Variants in FSIP2 observed in about 807,000 individuals in gnomAD.
FSIP2 encodes fibrous sheath-interacting protein 2.
Under a neutral mutation model 510.5 loss-of-function variants are expected in FSIP2, and 367 were observed. The ratio of observed to expected loss-of-function variants is 0.72; its 90% CI spans 0.66 to 0.78. The LOEUF is 0.78. Ranked by LOEUF, FSIP2 falls within the 30% of genes least tolerant of loss-of-function variation. FSIP2 has a pLI of 0.00. For missense variants in FSIP2, 7,594 were observed against 7,901.7 expected (o/e 0.96, Z 1.48); for synonymous variants, 2,601 against 2,732.2 (o/e 0.95, Z 1.50).
intron 13 of FSIP2, among the ~76,000 whole-genome samples, chr2:185,776,467 C>G (rs66891411): frequency 6.6e-6 from 1 of 151,712 alleles, no homozygotes; most frequent in African/African-American, 2.4e-5. Context: ...TATATTTCTT[C>G]TATTTCTAAT....
Position 185,746,091 on chromosome 2 carries a change from T to G in FSIP2, c.617+523T>G, listed in dbSNP as rs548728066. 3.3e-5 allele frequency among the ~76,000 whole-genome samples: 5 copies of G among 152,176 alleles called. No homozygotes were observed. The South Asian group carries it at 8.3e-4, about 25-fold the overall frequency. On this transcript the variant is annotated intron_variant, in intron 5 of 22. Coordinates refer to ENST00000424728, the MANE Select transcript of FSIP2 (RefSeq NM_173651.4). Reference sequence around the variant, plus strand: ...GATGTTATAGTTCTTTTTCCTTCACTAGGGATGCAGTAAGGAATTGGGCTG... The same window carrying G: ...GATGTTATAGTTCTTTTTCCTTCACGAGGGATGCAGTAAGGAATTGGGCTG...
intron 7 of FSIP2, among the ~76,000 whole-genome samples, chr2:185,752,278 T>C (rs976301806): frequency 2.0e-5 from 3 of 151,164 alleles, no homozygotes; most frequent in African/African-American, 7.3e-5. Context: ...TCTACATTGA[T>C]TCCAAGAAGA....
At chr2:185,798,700 A>C (rs1693356168) in intron 16 of FSIP2, among the ~76,000 whole-genome samples, 1 of 151,852 alleles carries the variant, frequency 6.6e-6, no homozygotes, top group Non-Finnish European at 1.5e-5. Context: ...AAACTCTTAA[A>C]TAGACTTACT....
In FSIP2 at chr2:185,804,446, A is replaced by G; in HGVS notation, c.15140A>G (p.Gln5047Arg). Residue 5047 changes from glutamine to arginine, a missense_variant, in exon 17 of 23, where the codon CAA (glutamine) becomes CGA (arginine). By Grantham distance (43) the Gln-to-Arg change is conservative. Coordinates refer to ENST00000424728, the MANE Select transcript of FSIP2 (RefSeq NM_173651.4). ...KSLIQIHRVIQSDTICFGRKI... is the reference protein window; with the variant it reads ...KSLIQIHRVIRSDTICFGRKI... The stretch of plus-strand genomic sequence containing the variant: ...CTGATTCAAATACATAGGGTTATAC[A>G]AAGTGACACAATATGTTTTGGTAGG... 1 of 1,516,698 alleles carries G rather than the reference A, an allele frequency of 6.6e-7. No individual in the cohort carries two copies. The highest frequency in any genetic ancestry group is 8.8e-7 in the Non-Finnish European group (1 of 1,134,510). The allele number at this position is 1,516,698 out of a possible 1,614,324, so 94.0% of individuals were successfully genotyped here.
intron 1 of FSIP2, 144 bp downstream of exon 1, chr2:185,739,137 T>G: frequency 8.2e-7 from 1 of 1,223,958 alleles, no homozygotes; most frequent in Non-Finnish European, 1.1e-6. Context: ...CCGGGGGCGG[T>G]GGCGGTGGCT....
In FSIP2 at chr2:185,795,652, A is replaced by C; in HGVS notation, c.8516A>C (p.Lys2839Thr). 2 of 1,534,420 alleles carry C rather than the reference A, an allele frequency of 1.3e-6. No homozygotes were observed. The highest frequency in any genetic ancestry group is 8.7e-7 in the Non-Finnish European group (1 of 1,145,756). The change falls in exon 16 of 23, where the codon AAA becomes ACA. Residue 2839 changes from lysine (K) to threonine (T), a missense_variant. Lys to Thr is a moderately conservative substitution (Grantham distance 78). Coordinates refer to ENST00000424728, the MANE Select transcript of FSIP2 (RefSeq NM_173651.4). ...TTTCCTAGAGAAGGTATATTTAAAA[A>C]ATTGTTTGACAAGTGGCAAACAGAA... is the stretch of plus-strand genomic sequence containing the variant. ...HIFPREGIFK[K>T]LFDKWQTESN...
chr2:185,745,741 T>A (rs537954273), intron 5 of FSIP2, among the ~76,000 whole-genome samples, 173 bp downstream of exon 5: 1 of 152,064 alleles, frequency 6.6e-6, no homozygotes, highest in Non-Finnish European at 1.5e-5. Flanking sequence ...ACCAGAGGGG[T>A]TAGGGTTGCT....
At position 185,801,106 on chromosome 2, in the gene FSIP2, T is replaced by C. The variant is rs1228258094; in HGVS notation, c.11800T>C (p.Cys3934Arg). ...SKIQAPFNKH[C>R]AVKSSSVSPF... ...AATACAAGCACCATTTAACAAGCAT[T>C]GTGCAGTAAAATCCTCTTCTGTGTC... Residue 3934 changes from cysteine to arginine, a missense_variant, in exon 17 of 23, where the codon TGT (cysteine) becomes CGT (arginine). Cys to Arg is a radical substitution (Grantham distance 180). Transcript: ENST00000424728. 2 of 1,532,938 alleles carry C rather than the reference T, an allele frequency of 1.3e-6. No individual in the cohort carries two copies. The highest frequency in any genetic ancestry group is 1.2e-5 in the South Asian group (1 of 83,782). The allele number at this position is 1,532,938 out of a possible 1,614,324, so 95.0% of individuals were successfully genotyped here.
At chr2:185,828,011 T>C in intron 20 of FSIP2, 145 bp from the exon 21 acceptor site, 2 of 560,734 alleles carry the variant, frequency 3.6e-6, no homozygotes, top group East Asian at 3.0e-5. Context: ...CCCAATTGCT[T>C]ATACATTTAA....
At chr2:185,766,255 G>A (rs1377891149) in intron 13 of FSIP2, 2 of 151,774 alleles carry the variant, frequency 1.3e-5, no homozygotes, top group East Asian at 2.0e-4. Context: ...ACATAGGCAT[G>A]GGCAAGGACT....
chr2:185,786,514 G>T (rs1426944024), intron 15 of FSIP2, among the ~76,000 whole-genome samples: 2 of 151,858 alleles, frequency 1.3e-5, no homozygotes, highest in African/African-American at 4.8e-5. Flanking sequence ...TCAAGACGAG[G>T]TCTCATGGGT....
chr2:185,802,756 G>A lies in FSIP2; in HGVS notation c.13450G>A (p.Ala4484Thr). The A allele has an allele frequency of 6.6e-7, 1 of 1,511,686 alleles. No individual in the cohort carries two copies. The highest frequency in any genetic ancestry group is 2.5e-5 in the East Asian group (1 of 40,762). The allele number at this position is 1,511,686 out of a possible 1,614,324, so 93.6% of individuals were successfully genotyped here. ...RVLLSKLFSS[A>T]SSLVLNRDTQ... ...ACTATTATCTAAATTATTTTCTTCT[G>A]CATCTAGCCTGGTTCTAAACAGAGA... Residue 4484 changes from alanine to threonine, a missense_variant, in exon 17 of 23, where the codon GCA (alanine) becomes ACA (threonine). Transcript: ENST00000424728.
At position 185,802,445 on chromosome 2, in the gene FSIP2, A is replaced by T; in HGVS notation, c.13139A>T (p.Asn4380Ile). Reference protein sequence around the residue: ...VDELATSVYRNALKQHGLDLA... With the variant: ...VDELATSVYRIALKQHGLDLA... ...GAACTTGCCACCTCAGTTTATAGAAATGCTTTAAAGCAGCATGGGCTAGAC... is the reference window on the plus strand; with the variant it reads ...GAACTTGCCACCTCAGTTTATAGAATTGCTTTAAAGCAGCATGGGCTAGAC... Residue 4380 changes from asparagine (N) to isoleucine (I), a missense_variant, in exon 17 of 23, where the codon AAT (asparagine) becomes ATT (isoleucine). Physicochemically the swap from Asn to Ile is moderately radical, Grantham distance 149 (BLOSUM62 -3). Coordinates refer to ENST00000424728, the MANE Select transcript of FSIP2 (RefSeq NM_173651.4). 6.5e-6 allele frequency: 10 copies of T among 1,534,062 alleles called. No individual in the cohort carries two copies. Among genetic ancestry groups the T allele is most frequent in the Non-Finnish European group, 8.7e-6 (10 of 1,145,526 alleles).
chr2:185,750,522 G>C (rs897516484), intron 7 of FSIP2, among the ~76,000 whole-genome samples: 1 of 149,612 alleles, frequency 6.7e-6, no homozygotes, highest in African/African-American at 2.4e-5. Flanking sequence ...GTCCTGGCTA[G>C]AGTTGCTTTT....
chr2:185,827,459 C>T lies in FSIP2; in HGVS notation c.20474-697C>T, dbSNP rs562941105. Among the ~76,000 whole-genome samples, 3 of 151,980 alleles carry T rather than the reference C, an allele frequency of 2.0e-5. No homozygotes were observed. In the East Asian group the frequency reaches 5.9e-4, roughly 30 times the overall value. On this transcript the variant is annotated intron_variant, in intron 20 of 22. Coordinates refer to ENST00000424728, the MANE Select transcript of FSIP2 (RefSeq NM_173651.4). ...AGAAGTTAGATGTTCAATGTTCACA[C>T]AGCTTTAAGCAATGAAGCTAAGATG...
At chr2:185,785,015 C>CTGTT (rs775356904) in intron 14 of FSIP2, among the ~76,000 whole-genome samples, 14 of 152,140 alleles carry the variant, frequency 9.2e-5, no homozygotes, top group Admixed American at 2.0e-4. Flanking sequence ...CACTTTCGTG[C>CTGTT]TGTTTGTATG....
intron 13 of FSIP2, chr2:185,764,958 A>T (rs1317988838): frequency 6.4e-6 from 1 of 156,308 alleles, no homozygotes; most frequent in Non-Finnish European, 1.4e-5. Context: ...CAAAAAAATT[A>T]AAGTTTTTGT....
chr2:185,746,763 C>G lies in FSIP2; in HGVS notation c.712C>G (p.Arg238Gly). The G allele has an allele frequency of 6.5e-7, 1 of 1,529,440 alleles. No individual in the cohort carries two copies. Among genetic ancestry groups the G allele is most frequent in the Admixed American group, 2.0e-5 (1 of 49,814 alleles). The allele number at this position is 1,529,440 out of a possible 1,614,324, so 94.7% of individuals were successfully genotyped here. A position where few individuals can be genotyped will look rare whatever the true frequency, so the allele number is the denominator to read the frequency against. ...AATGGATAGAGAAGAAAGACGACAG[C>G]GGGAACACACAAGAAGAAAACTTAC... ...FLMDREERRQREHTRRKLTLR... is the reference protein window; with the variant it reads ...FLMDREERRQGEHTRRKLTLR... Residue 238 changes from arginine to glycine, a missense_variant, in exon 6 of 23, where the codon CGG becomes GGG. Transcript: ENST00000424728.
chr2:185,797,618 G>A, intron 16 of FSIP2, 92 bp downstream of exon 16: 2 of 1,325,464 alleles, frequency 1.5e-6, no homozygotes. Flanking sequence ...CTAAAAAGCT[G>A]TATTCACTAT....
Sources: gnomAD v4.1 joint callset for allele counts (sites outside exome capture counted in the v4.1 genomes callset) on GRCh38, gnomAD v4.1.1 for gene constraint, MANE v1.5 for transcripts, NCBI Gene and HGNC (gene_info 2026-07-23, HGNC 2026-07-21) for gene names.